Variants in ULBP1 observed in about 807,000 individuals in gnomAD.
ULBP1 encodes UL16-binding protein 1.
ULBP1 carries 28 observed loss-of-function variants against 25.3 expected under a neutral mutation model. That is an observed-to-expected ratio of 1.10 (90% CI 0.82 to 1.51). ULBP1 has a LOEUF of 1.51. Ranked by LOEUF, ULBP1 falls within the 40% of genes most tolerant of loss-of-function variation. The pLI is 0.00. For missense variants in ULBP1, 348 were observed against 290.9 expected, an observed-to-expected ratio of 1.20 and a Z score of -1.43; for synonymous variants, 129 against 103.0, an observed-to-expected ratio of 1.25 and a Z score of -1.53.
rs1779348729 is a variant in ULBP1, at chr6:149,973,170, CT to C, written c.*1828del. On this transcript the variant is annotated 3_prime_UTR_variant, in exon 5 of 5. Coordinates refer to ENST00000229708, the MANE Select transcript of ULBP1 (RefSeq NM_025218.4). ...CCATGAAACACAAGAAAATCATGTC[CT>C]TTTCAGCAACATGGATGCAACTAGA... 1 of 152,168 alleles carries C rather than the reference CT, an allele frequency of 6.6e-6. No homozygotes were observed. The highest frequency in any genetic ancestry group is 2.4e-5 in the African/African-American group (1 of 41,442). 9.4% of individuals were successfully genotyped at this position (152,168 alleles called of 1,614,324 possible).
rs370414321 is a variant in ULBP1 at position 149,970,148 on chromosome 6, G to A, written c.*22+1G>A. ...TGAGGAGAGTTGTTTAGAGTGACAG[G>A]TACTGTGGGCAATATTGGGAGGGGA... On this transcript the variant is annotated splice_donor_variant, in intron 4 of 4. Coordinates refer to ENST00000229708, the MANE Select transcript of ULBP1 (RefSeq NM_025218.4). LOFTEE classifies it low-confidence loss of function (3UTR_SPLICE). The A allele has an allele frequency of 7.5e-5, 119 of 1,582,412 alleles. No homozygotes were observed. Among genetic ancestry groups the A allele is most frequent in the Middle Eastern group, 3.3e-4 (2 of 6,044 alleles).
At chr6:149,966,305 T>A (rs1266699652) in intron 1 of ULBP1, among the ~76,000 whole-genome samples, 2 of 152,048 alleles carry the variant, frequency 1.3e-5, no homozygotes, top group Non-Finnish European at 2.9e-5. Flanking sequence ...GGGCACATGC[T>A]GTGTCCTGGC....
At chr6:149,969,437 G>C (rs1779269801) in intron 3 of ULBP1, 77 bp downstream of exon 3, 17 of 1,562,154 alleles carry the variant, frequency 1.1e-5, no homozygotes, top group South Asian at 4.9e-5. Context: ...GAGTGCGTGT[G>C]TGTGTGTGTT....
intron 3 of ULBP1, among the ~76,000 whole-genome samples, chr6:149,969,766 C>T (rs1158019144): frequency 2.0e-5 from 3 of 152,218 alleles, no homozygotes; most frequent in Non-Finnish European, 4.4e-5. Context: ...GACATCACCT[C>T]CTCTTTCTCC....
rs754952322 is a variant in ULBP1 at position 149,972,413 on chromosome 6, A to G, written c.*1067A>G. The G allele has an allele frequency of 2.0e-5, 3 of 152,236 alleles. No individual in the cohort carries two copies. Among genetic ancestry groups the G allele is most frequent in the Non-Finnish European group, 2.9e-5 (2 of 68,048 alleles). The allele number at this position is 152,236 out of a possible 1,614,324, so 9.4% of individuals were successfully genotyped here. On this transcript the variant is annotated 3_prime_UTR_variant, in exon 5 of 5. Coordinates refer to ENST00000229708, the MANE Select transcript of ULBP1 (RefSeq NM_025218.4). ...TAAAACTGTAAAAATCCTGGAATAT[A>G]ACCTAAGAAATACCAATGTGGACAT...
intron 1 of ULBP1, among the ~76,000 whole-genome samples, chr6:149,964,562 G>A (rs755866417): frequency 2.7e-5 from 4 of 148,288 alleles, no homozygotes; most frequent in African/African-American, 1.0e-4. Context: ...CGAGCAACGC[G>A]ATCTCCCCGA....
rs1342206724 is a variant in ULBP1, at chr6:149,972,222, GC to G, written c.*878del. 1 of 151,918 alleles carries G rather than the reference GC, an allele frequency of 6.6e-6. No homozygotes were observed. Among genetic ancestry groups the G allele is most frequent in the Non-Finnish European group, 1.5e-5 (1 of 67,988 alleles). 9.4% of individuals were successfully genotyped at this position (151,918 alleles called of 1,614,324 possible). A position where few individuals can be genotyped will look rare whatever the true frequency, so the allele number is the denominator to read the frequency against. ...CCAGAAATCAACCTGCACACCTACC[GC>G]CATCTAATCTTCAATAGAAATGGGC... On this transcript the variant is annotated 3_prime_UTR_variant, in exon 5 of 5. Transcript: ENST00000229708.
chr6:149,969,920 G>T, intron 3 of ULBP1, 96 bp from the exon 4 acceptor site: 1 of 1,479,374 alleles, frequency 6.8e-7, no homozygotes, highest in Non-Finnish European at 9.1e-7. Context: ...CAAAAGGTCT[G>T]CCTTCCAGGA....
intron 1 of ULBP1, among the ~76,000 whole-genome samples, chr6:149,966,385 C>T (rs1013534080): frequency 2.6e-5 from 4 of 152,070 alleles, no homozygotes; most frequent in African/African-American, 7.2e-5. Context: ...GTGTGTCCTA[C>T]CCTGCCTGTG....
chr6:149,964,130 G>T lies in ULBP1; in HGVS notation c.81G>T (p.Trp27Cys). The T allele has an allele frequency of 6.2e-7, 1 of 1,614,208 alleles. No individual in the cohort carries two copies. Among genetic ancestry groups the T allele is most frequent in the Non-Finnish European group, 8.5e-7 (1 of 1,180,026 alleles). The change falls in exon 1 of 5, where the codon TGG (tryptophan) becomes TGT (cysteine). Residue 27 changes from tryptophan (W) to cysteine (C), a missense_variant. Physicochemically the swap from Trp to Cys is radical, Grantham distance 215. Coordinates refer to ENST00000229708, the MANE Select transcript of ULBP1 (RefSeq NM_025218.4). Reference sequence around the variant, plus strand: ...TGTCTGGCTGGTCCCGGGCAGGATGGGTCGGTGAGTTCGGGGATGTAGCCT... The same window carrying T: ...TGTCTGGCTGGTCCCGGGCAGGATGTGTCGGTGAGTTCGGGGATGTAGCCT... Reference protein sequence around the residue: ...HLLSGWSRAGWVDTHCLCYDF... With the variant: ...HLLSGWSRAGCVDTHCLCYDF...
chr6:149,966,172 C>A (rs956352121), intron 1 of ULBP1, among the ~76,000 whole-genome samples: 1 of 151,616 alleles, frequency 6.6e-6, no homozygotes, highest in African/African-American at 2.4e-5. Context: ...TCCTTGCTGG[C>A]CGTGAGTTCT....
At position 149,968,606 on chromosome 6, in the gene ULBP1, G is replaced by C; in HGVS notation, c.86-1G>C. ...CCCCCTCCTGTGTTTTTCTTCCACA[G>C]ACACACACTGTCTTTGCTATGACTT... On this transcript the variant is annotated splice_acceptor_variant, in intron 1 of 4. Transcript: ENST00000229708. LOFTEE classifies it high-confidence loss of function. 1 of 1,600,406 alleles carries C rather than the reference G, an allele frequency of 6.2e-7. No homozygotes were observed. The highest frequency in any genetic ancestry group is 8.5e-7 in the Non-Finnish European group (1 of 1,169,808).
At chr6:149,971,308 C>G in intron 4 of ULBP1, 61 bp from the exon 5 acceptor site, 1 of 983,282 alleles carries the variant, frequency 1.0e-6, no homozygotes. Context: ...GAAGGATCAC[C>G]CAGGAGAACA....
chr6:149,971,784 T>A lies in ULBP1; in HGVS notation c.*438T>A, dbSNP rs1779322802. 6.6e-6 allele frequency: 1 copy of A among 152,194 alleles called. No homozygotes were observed. The highest frequency in any genetic ancestry group is 2.1e-4 in the South Asian group (1 of 4,826). The allele number at this position is 152,194 out of a possible 1,614,324, so 9.4% of individuals were successfully genotyped here. The stretch of plus-strand genomic sequence containing the variant: ...CATGCTGGACTTCAGACCTCAGGGA[T>A]CCTTTTGATGCACTGACCAGGAATT... On this transcript the variant is annotated 3_prime_UTR_variant, in exon 5 of 5. Coordinates refer to ENST00000229708, the MANE Select transcript of ULBP1 (RefSeq NM_025218.4).
At chr6:149,966,128 C>T (rs1779201347) in intron 1 of ULBP1, among the ~76,000 whole-genome samples, 1 of 152,126 alleles carries the variant, frequency 6.6e-6, no homozygotes, top group Admixed American at 6.5e-5. Flanking sequence ...GTCAGCAAAC[C>T]CTTTCTAGAA....
intron 1 of ULBP1, among the ~76,000 whole-genome samples, chr6:149,967,638 A>G (rs922110355): frequency 6.6e-6 from 1 of 152,170 alleles, no homozygotes; most frequent in African/African-American, 2.4e-5. Context: ...TCTATGAGCC[A>G]TGGGCATACA....
chr6:149,970,784 T>C (rs1225796709), intron 4 of ULBP1, among the ~76,000 whole-genome samples: 2 of 152,258 alleles, frequency 1.3e-5, no homozygotes, highest in African/African-American at 4.8e-5. Context: ...CCTGCCATTC[T>C]GCCTCCTTCA....
At position 149,964,036 on chromosome 6, in the gene ULBP1, G is replaced by C; in HGVS notation, c.-14G>C. On this transcript the variant is annotated 5_prime_UTR_variant, in exon 1 of 5. Transcript: ENST00000229708. ...ACCATCAGCGCCTCCTGTCCACGGA[G>C]CTCCAGGTCTACAATGGCAGCGGCC... 6.2e-7 allele frequency: 1 copy of C among 1,613,702 alleles called. No homozygotes were observed. The highest frequency in any genetic ancestry group is 8.5e-7 in the Non-Finnish European group (1 of 1,179,930).
chr6:149,965,200 A>G lies in ULBP1; in HGVS notation c.85+1066A>G, dbSNP rs573276557. Reference sequence around the variant, plus strand: ...CCCGAACATCGCGGTCTCCCCGAACATCGCGATCCCCCAGAACATCGCGGT... The same window carrying G: ...CCCGAACATCGCGGTCTCCCCGAACGTCGCGATCCCCCAGAACATCGCGGT... On this transcript the variant is annotated intron_variant, in intron 1 of 4. Transcript: ENST00000229708. Among the ~76,000 whole-genome samples the G allele has an allele frequency of 2.1e-3, 231 of 110,986 alleles. 25 individuals are homozygous for G. Among genetic ancestry groups the G allele is most frequent in the African/African-American group, 0.014 (212 of 15,166 alleles). 72.8% of individuals were successfully genotyped at this position (110,986 alleles called of 152,430 possible).
Sources: gnomAD v4.1 joint callset for allele counts (sites outside exome capture counted in the v4.1 genomes callset) on GRCh38, gnomAD v4.1.1 for gene constraint, MANE v1.5 for transcripts, NCBI Gene and HGNC (gene_info 2026-07-23, HGNC 2026-07-21) for gene names.